PTPRD: variants seen among roughly 807,000 people sequenced by gnomAD.
The protein encoded by PTPRD is protein tyrosine phosphatase receptor type D.
In PTPRD, 34 loss-of-function variants were observed where a neutral mutation model predicts 214.5. The ratio of observed to expected loss-of-function variants is 0.16; its 90% CI spans 0.12 to 0.21. The LOEUF (loss-of-function observed/expected upper bound fraction) is 0.21. Ranked by LOEUF, PTPRD falls within the 10% of genes least tolerant of loss-of-function variation. The pLI is 1.00. For synonymous variants in PTPRD, 1,128 were observed against 845.7 expected (o/e 1.33, Z -5.79); for missense variants, 2,545 against 2,398.7 (o/e 1.06, Z -1.27).
intron 39 of PTPRD, among the ~76,000 whole-genome samples, chr9:8,358,951 C>CA (rs1210976765): frequency 2.0e-5 from 3 of 149,472 alleles, no homozygotes; most frequent in African/African-American, 7.4e-5. Flanking sequence ...ACTAAAAATA[C>CA]AAAAAAATTA....
At chr9:8,671,221 C>T (rs1429747465) in intron 12 of PTPRD, among the ~76,000 whole-genome samples, 3 of 152,128 alleles carry the variant, frequency 2.0e-5, no homozygotes, top group South Asian at 2.1e-4. Context: ...AAAAATGATG[C>T]GATACTTCTC....
At chr9:9,095,408 A>G (rs1321163711) in intron 10 of PTPRD, among the ~76,000 whole-genome samples, 2 of 152,234 alleles carry the variant, frequency 1.3e-5, no homozygotes, top group Non-Finnish European at 2.9e-5. Context: ...TACAAAGTCA[A>G]CATACAAAAA....
At chr9:9,843,501 A>G (rs1054074245) in intron 5 of PTPRD, among the ~76,000 whole-genome samples, 1 of 151,870 alleles carries the variant, frequency 6.6e-6, no homozygotes, top group Admixed American at 6.6e-5. Flanking sequence ...AATAAATAAT[A>G]TCTTATAAGG....
intron 9 of PTPRD, among the ~76,000 whole-genome samples, chr9:9,244,975 A>C (rs2131237218): frequency 6.6e-6 from 1 of 152,344 alleles, no homozygotes; most frequent in South Asian, 2.1e-4. Flanking sequence ...AAGTGAGTGA[A>C]GGATAAGAAC....
chr9:8,656,888 G>A (rs1369445027), intron 12 of PTPRD, among the ~76,000 whole-genome samples: 2 of 152,160 alleles, frequency 1.3e-5, no homozygotes, highest in Non-Finnish European at 2.9e-5. Context: ...ACCTGTCACT[G>A]TACAAGAAAA....
intron 2 of PTPRD, among the ~76,000 whole-genome samples, chr9:10,570,813 T>C (rs1254335871): frequency 6.6e-6 from 1 of 152,114 alleles, no homozygotes; most frequent in African/African-American, 2.4e-5. Context: ...AAGTGCTCTA[T>C]TGGCTTACTA....
chr9:9,313,213 G>T (rs1001238434), intron 9 of PTPRD, among the ~76,000 whole-genome samples: 2 of 152,088 alleles, frequency 1.3e-5, no homozygotes, highest in South Asian at 2.1e-4. Context: ...AGTTACTGAT[G>T]ATGTTAAATG....
chr9:8,602,288 G>C (rs1316664668), intron 14 of PTPRD, among the ~76,000 whole-genome samples: 1 of 152,190 alleles, frequency 6.6e-6, no homozygotes, highest in Non-Finnish European at 1.5e-5. Flanking sequence ...AAGACCCCTA[G>C]ATATTGCTGG....
At chr9:8,598,346 A>AG in intron 14 of PTPRD, among the ~76,000 whole-genome samples, 1 of 152,182 alleles carries the variant, frequency 6.6e-6, no homozygotes, top group East Asian at 1.9e-4. Context: ...CAGGTATCCC[A>AG]GTTACTCGGG....
At chr9:10,338,550 T>C (rs945011993) in intron 3 of PTPRD, among the ~76,000 whole-genome samples, 2 of 151,752 alleles carry the variant, frequency 1.3e-5, no homozygotes, top group African/African-American at 2.4e-5. Context: ...ATCACATCTA[T>C]AGATAAAGGT....
intron 37 of PTPRD, among the ~76,000 whole-genome samples, chr9:8,385,100 A>C (rs1234243424): frequency 1.3e-5 from 2 of 152,254 alleles, no homozygotes; most frequent in African/African-American, 4.8e-5. Context: ...ATCAGTTCTC[A>C]AAACAGATGC....
intron 32 of PTPRD, among the ~76,000 whole-genome samples, chr9:8,463,681 G>A (rs143361814): frequency 0.025 from 3,737 of 151,998 alleles, 72 homozygotes; most frequent in Middle Eastern, 0.048. Flanking sequence ...TTTCTTGTGC[G>A]TGGCAATAAG....
At chr9:9,117,738 GAA>G (rs532808589) in intron 10 of PTPRD, among the ~76,000 whole-genome samples, 245 of 151,718 alleles carry the variant, frequency 1.6e-3, no homozygotes, top group African/African-American at 5.6e-3. Context: ...AATATGCCAA[GAA>G]AAAAAATATT....
intron 10 of PTPRD, among the ~76,000 whole-genome samples, chr9:9,098,829 T>C (rs2099787323): frequency 6.6e-6 from 1 of 152,208 alleles, no homozygotes; most frequent in African/African-American, 2.4e-5. Context: ...GAGAGACTCT[T>C]ACACATGTTC....
intron 2 of PTPRD, among the ~76,000 whole-genome samples, chr9:10,360,354 G>A (rs2097355446): frequency 6.6e-6 from 1 of 152,204 alleles, no homozygotes; most frequent in African/African-American, 2.4e-5. Flanking sequence ...AGTTTTATAT[G>A]CTGCTCCATT....
intron 10 of PTPRD, among the ~76,000 whole-genome samples, chr9:9,170,364 G>A (rs1042626245): frequency 2.6e-5 from 4 of 152,064 alleles, no homozygotes; most frequent in Admixed American, 1.3e-4. Context: ...TCACTGAATA[G>A]AAAAAAATAA....
intron 14 of PTPRD, among the ~76,000 whole-genome samples, chr9:8,609,976 G>T (rs77954811): frequency 0.032 from 4,874 of 152,146 alleles, 280 homozygotes; most frequent in African/African-American, 0.11. Context: ...AGCTACTAAG[G>T]CTCACTGTAG....
chr9:10,093,234 A>C (rs1299014179), intron 3 of PTPRD, among the ~76,000 whole-genome samples: 1 of 151,552 alleles, frequency 6.6e-6, no homozygotes, highest in Non-Finnish European at 1.5e-5. Flanking sequence ...ATCTACAAGA[A>C]ACTTAAATCA....
At chr9:10,442,129 G>C (rs1343515664) in intron 2 of PTPRD, among the ~76,000 whole-genome samples, 2 of 151,562 alleles carry the variant, frequency 1.3e-5, no homozygotes, top group African/African-American at 2.4e-5. Flanking sequence ...CATTTGATTT[G>C]AGCTTATTAT....
Sources: allele counts gnomAD v4.1 joint callset (sites outside exome capture counted in the v4.1 genomes callset), GRCh38; gene constraint gnomAD v4.1.1; transcripts MANE v1.5; gene names NCBI Gene and HGNC (gene_info 2026-07-23, HGNC 2026-07-21).